Variants in DLK1 observed in about 807,000 individuals in gnomAD.
The protein encoded by DLK1 is delta like non-canonical Notch ligand 1, also known as protein delta homolog 1.
DLK1 carries 9 observed loss-of-function variants against 35.2 expected under a neutral mutation model. The ratio of observed to expected loss-of-function variants is 0.26; its 90% CI spans 0.15 to 0.45. DLK1 has a LOEUF of 0.45. DLK1 is among the 20% of genes least tolerant of loss of function. DLK1 has a pLI of 1.00. For missense variants in DLK1, 522 were observed against 528.5 expected (o/e 0.99, Z 0.12); for synonymous variants, 231 against 228.4 (o/e 1.01, Z -0.10).
chr14:100,734,558 G>T lies in DLK1; in HGVS notation c.814G>T (p.Val272Leu), dbSNP rs889896558. The T allele has an allele frequency of 6.2e-7, 1 of 1,613,110 alleles. No individual in the cohort carries two copies. Among genetic ancestry groups the T allele is most frequent in the Non-Finnish European group, 8.5e-7 (1 of 1,179,960 alleles). The change falls in exon 5 of 5, where the codon GTG becomes TTG. Residue 272 changes from valine (V) to leucine (L), a missense_variant. Coordinates refer to ENST00000341267, the MANE Select transcript of DLK1 (RefSeq NM_003836.7). The surrounding 1 kb of genome is among the most constrained non-coding windows in gnomAD (Gnocchi z 7.4). The part of the protein sequence containing the change: ...YGLAYRLTPG[V>L]HELPVQQPEH... ...GCTGGCCTACCGCCTGACCCCTGGG[G>T]TGCACGAGCTGCCGGTGCAGCAGCC...
chr14:100,727,248 G>C, intron 1 of DLK1, 113 bp downstream of exon 1: 1 of 1,135,276 alleles, frequency 8.8e-7, no homozygotes, highest in Non-Finnish European at 1.2e-6. Context: ...CGCCCGTCCC[G>C]CCTAGCCCTA....
intron 3 of DLK1, 142 bp from the exon 4 acceptor site, chr14:100,731,900 G>T: frequency 9.3e-7 from 1 of 1,080,456 alleles, no homozygotes; most frequent in Non-Finnish European, 1.3e-6. Flanking sequence ...CACTTCATGG[G>T]TTTTTTTGAG....
At position 100,737,787 on chromosome 14, in the gene DLK1, A is replaced by G. The variant is rs557817501; in HGVS notation, c.*2891A>G. On this transcript the variant is annotated 3_prime_UTR_variant, in exon 5 of 5. Coordinates refer to ENST00000341267, the MANE Select transcript of DLK1 (RefSeq NM_003836.7). ...ACCATCTCACCTTCCCACGCAACAA[A>G]TTATCTATTACCAGCACCCGATGAG... 1.3e-5 allele frequency: 2 copies of G among 152,092 alleles called. No individual in the cohort carries two copies. Among genetic ancestry groups the G allele is most frequent in the African/African-American group, 4.8e-5 (2 of 41,376 alleles). 9.4% of individuals were successfully genotyped at this position (152,092 alleles called of 1,614,324 possible).
In DLK1 at chr14:100,732,120, C is replaced by T. The variant is rs1207072061; in HGVS notation, c.341C>T (p.Ser114Phe). 3 of 1,614,064 alleles carry T rather than the reference C, an allele frequency of 1.9e-6. No individual in the cohort carries two copies. The highest frequency in any genetic ancestry group is 1.1e-5 in the South Asian group (1 of 91,080). The change falls in exon 4 of 5, where the codon TCC becomes TTC. Residue 114 changes from serine to phenylalanine, a missense_variant. Transcript: ENST00000341267. ...VSLDDGLYECSCAPGYSGKDC... is the reference protein window; with the variant it reads ...VSLDDGLYECFCAPGYSGKDC... ...CTGGACGATGGCCTCTATGAATGCT[C>T]CTGTGCCCCCGGGTACTCGGGAAAG... is the stretch of plus-strand genomic sequence containing the variant.
In DLK1 at chr14:100,727,165, C is replaced by G. The variant is rs534754401; in HGVS notation, c.67+30C>G. 2.5e-5 allele frequency: 38 copies of G among 1,538,828 alleles called. No homozygotes were observed. The African/African-American group carries it at 4.5e-4, about 18-fold the overall frequency. On this transcript the variant is annotated intron_variant, in intron 1 of 4. Transcript: ENST00000341267. ...GTTCCCCGGCGGCCCGGCTCGCGCC[C>G]CCTCTGGGGAAGCCTGCGACTCCCC...
chr14:100,728,374 T>C lies in DLK1; in HGVS notation c.68-22T>C, dbSNP rs1271599449. ...GCCTGGGGCCTGGTGGGGTGAATTG[T>C]ATAACCTTTCTTGTACCTCAGGGGC... On this transcript the variant is annotated intron_variant, in intron 1 of 4. Transcript: ENST00000341267. 5.6e-6 allele frequency: 9 copies of C among 1,612,870 alleles called. No homozygotes were observed. In the East Asian group the frequency reaches 1.3e-4, roughly 24 times the overall value.
At chr14:100,727,205 G>T in intron 1 of DLK1, 70 bp downstream of exon 1, 3 of 1,418,830 alleles carry the variant, frequency 2.1e-6, no homozygotes, top group Non-Finnish European at 2.8e-6. Context: ...GCCGCCCGGT[G>T]CCCCGCACGC....
chr14:100,734,223 CT>C lies in DLK1; in HGVS notation c.480del (p.Gly161AlafsTer49). On this transcript the variant is annotated frameshift_variant, in exon 5 of 5. Coordinates refer to ENST00000341267, the MANE Select transcript of DLK1 (RefSeq NM_003836.7). LOFTEE classifies it high-confidence loss of function. This position sits in a 1 kb window ranked among gnomAD's most constrained non-coding sequence, Gnocchi z 7.4. ...TCCCATGCCTCCTGCCTGTGCCCCC[CT>C]GGCTTCTCAGGCAATTTCTGCGAGA... ...RASHASCLCP[P>X]GFSGNFCEIV... 2 of 1,613,348 alleles carry C rather than the reference CT, an allele frequency of 1.2e-6. No homozygotes were observed. The highest frequency in any genetic ancestry group is 1.7e-6 in the Non-Finnish European group (2 of 1,180,020).
At chr14:100,729,206 C>G (rs1567020761) in intron 3 of DLK1, 140 bp downstream of exon 3, 3 of 1,456,528 alleles carry the variant, frequency 2.1e-6, no homozygotes, top group African/African-American at 2.8e-5. Context: ...TTCTAAAGAT[C>G]TGTTTATAAA....
chr14:100,734,927 T>TG lies in DLK1; in HGVS notation c.*33dup. Reference sequence around the variant, plus strand: ...GTTCCCACAGCCCCCTCTAGATTCTTGGAGTTCCGCAGAGCTTACTATACG... The same window carrying TG: ...GTTCCCACAGCCCCCTCTAGATTCTTGGGAGTTCCGCAGAGCTTACTATACG... On this transcript the variant is annotated 3_prime_UTR_variant, in exon 5 of 5. Coordinates refer to ENST00000341267, the MANE Select transcript of DLK1 (RefSeq NM_003836.7). This position sits in a 1 kb window ranked among gnomAD's most constrained non-coding sequence, Gnocchi z 7.4. The TG allele has an allele frequency of 6.5e-7, 1 of 1,538,892 alleles. No individual in the cohort carries two copies. The highest frequency in any genetic ancestry group is 8.7e-7 in the Non-Finnish European group (1 of 1,148,674).
chr14:100,733,268 A>G (rs773905817), intron 4 of DLK1, among the ~76,000 whole-genome samples: 10 of 152,232 alleles, frequency 6.6e-5, no homozygotes, highest in Admixed American at 2.0e-4. Context: ...CCCAGCTCCC[A>G]TGCAGCCCAC....
In DLK1 at chr14:100,734,412, G is replaced by A. The variant is rs2036546376; in HGVS notation, c.668G>A (p.Cys223Tyr). 2 of 1,611,758 alleles carry A rather than the reference G, an allele frequency of 1.2e-6. No individual in the cohort carries two copies. The highest frequency in any genetic ancestry group is 4.5e-5 in the East Asian group (2 of 44,834). Residue 223 changes from cysteine to tyrosine, a missense_variant, in exon 5 of 5, where the codon TGC (cysteine) becomes TAC (tyrosine). By Grantham distance (194) the Cys-to-Tyr change is radical. Coordinates refer to ENST00000341267, the MANE Select transcript of DLK1 (RefSeq NM_003836.7). The surrounding 1 kb of genome is among the most constrained non-coding windows in gnomAD (Gnocchi z 7.4). Reference protein sequence around the residue: ...ASSPCQNGGTCLQHTQVSYEC... With the variant: ...ASSPCQNGGTYLQHTQVSYEC... ...AGCCCGTGCCAGAACGGGGGCACCT[G>A]CCTGCAGCACACCCAGGTGAGCTAC...
rs750303475 is a variant in DLK1, at chr14:100,728,450, A to G, written c.122A>G (p.Asn41Ser). The G allele has an allele frequency of 7.4e-6, 12 of 1,613,608 alleles. No individual in the cohort carries two copies. Among genetic ancestry groups the G allele is most frequent in the South Asian group, 2.2e-5 (2 of 91,070 alleles). The change falls in exon 2 of 5, where the codon AAT becomes AGT. Residue 41 changes from asparagine (N) to serine (S), a missense_variant. Coordinates refer to ENST00000341267, the MANE Select transcript of DLK1 (RefSeq NM_003836.7). ...NPQNGFCEDDNVCRCQPGWQG... is the reference protein window; with the variant it reads ...NPQNGFCEDDSVCRCQPGWQG... ...CAAAATGGATTCTGCGAGGATGACA[A>G]TGTTTGCAGGTAATAGAGTGGCTCC...
intron 1 of DLK1, among the ~76,000 whole-genome samples, chr14:100,728,175 G>A (rs532990959): frequency 5.3e-5 from 8 of 152,308 alleles, no homozygotes; most frequent in African/African-American, 1.9e-4. Flanking sequence ...AGAGTGTACT[G>A]TGGTCATTTC....
At position 100,734,667 on chromosome 14, in the gene DLK1, C is replaced by T. The variant is rs1185667456; in HGVS notation, c.923C>T (p.Thr308Ile). ...ACCGAGGGCCAGGCCATCTGCTTCA[C>T]CATCCTGGGCGTGCTCACCAGCCTG... ...LLTEGQAICF[T>I]ILGVLTSLVV... The change falls in exon 5 of 5, where the codon ACC (threonine) becomes ATC (isoleucine). Residue 308 changes from threonine (T) to isoleucine (I), a missense_variant. Physicochemically the swap from Thr to Ile is moderately conservative, Grantham distance 89. Coordinates refer to ENST00000341267, the MANE Select transcript of DLK1 (RefSeq NM_003836.7). The surrounding 1 kb of genome is among the most constrained non-coding windows in gnomAD (Gnocchi z 7.4). The T allele has an allele frequency of 6.2e-7, 1 of 1,614,090 alleles. No homozygotes were observed. The highest frequency in any genetic ancestry group is 1.7e-5 in the Admixed American group (1 of 60,028).
Position 100,736,963 on chromosome 14 carries a change from C to T in DLK1, c.*2067C>T, listed in dbSNP as rs1283545561. ...TCCCTTCCCATTCTCCCCACCCTTC[C>T]CCTCCGATCCCACCACCCTTCCCTT... On this transcript the variant is annotated 3_prime_UTR_variant, in exon 5 of 5. Coordinates refer to ENST00000341267, the MANE Select transcript of DLK1 (RefSeq NM_003836.7). The T allele has an allele frequency of 8.1e-6, 1 of 124,164 alleles. No individual in the cohort carries two copies. The highest frequency in any genetic ancestry group is 3.2e-5 in the African/African-American group (1 of 30,976). The allele number at this position is 124,164 out of a possible 1,614,324, so 7.7% of individuals were successfully genotyped here.
At chr14:100,728,102 G>C (rs1019107991) in intron 1 of DLK1, among the ~76,000 whole-genome samples, 2 of 152,150 alleles carry the variant, frequency 1.3e-5, no homozygotes, top group Admixed American at 6.5e-5. Context: ...GAGGACTTGA[G>C]GTGTCGTATT....
intron 2 of DLK1, 137 bp from the exon 3 acceptor site, chr14:100,728,799 T>A: frequency 8.6e-7 from 1 of 1,166,696 alleles, no homozygotes; most frequent in African/African-American, 1.5e-5. Flanking sequence ...AGGTGGCTGG[T>A]GTTTACTTCC....
intron 3 of DLK1, among the ~76,000 whole-genome samples, chr14:100,730,749 C>T (rs918393022): frequency 6.6e-6 from 1 of 152,222 alleles, no homozygotes; most frequent in East Asian, 1.9e-4. Flanking sequence ...GCGCCACGTG[C>T]TAATGCCTTG....
Sources: gnomAD v4.1 joint callset for allele counts (sites outside exome capture counted in the v4.1 genomes callset) on GRCh38, gnomAD v4.1.1 for gene constraint, Gnocchi (gnomAD v3.1) non-coding constraint, MANE v1.5 for transcripts, NCBI Gene and HGNC (gene_info 2026-07-23, HGNC 2026-07-21) for gene names.